ATG14: variants seen among roughly 807,000 people sequenced by gnomAD.
The protein encoded by ATG14 is beclin 1-associated autophagy-related key regulator.
Under a neutral mutation model 60.4 loss-of-function variants are expected in ATG14, and 35 were observed. The observed-to-expected ratio is 0.58, with a 90% CI of 0.44 to 0.77. ATG14 has a LOEUF of 0.77. Ranked by LOEUF, ATG14 falls within the 30% of genes least tolerant of loss-of-function variation. ATG14 has a pLI of 0.00. For synonymous variants in ATG14, 234 were observed against 228.8 expected, an observed-to-expected ratio of 1.02 and a Z score of -0.21; for missense variants, 647 against 626.3, an observed-to-expected ratio of 1.03 and a Z score of -0.35.
At chr14:55,376,727 CCCG>C (rs1186788877) in intron 9 of ATG14, among the ~76,000 whole-genome samples, 8 of 152,178 alleles carry the variant, frequency 5.3e-5, no homozygotes, top group Non-Finnish European at 1.0e-4. Flanking sequence ...AAAGAACTTT[CCCG>C]CCATTTGTCT....
Position 55,367,536 on chromosome 14 carries a change from A to T in ATG14, c.*2083T>A. On this transcript the variant is annotated 3_prime_UTR_variant, in exon 10 of 10. Coordinates refer to ENST00000247178, the MANE Select transcript of ATG14 (RefSeq NM_014924.5). ...GGCAAGCGGATCACCTGAAGTCAGG[A>T]GTTCAAGACCAGCCTGGCCAACATG... The T allele has an allele frequency of 6.6e-6, 1 of 152,246 alleles. No individual in the cohort carries two copies. Among genetic ancestry groups the T allele is most frequent in the Admixed American group, 6.5e-5 (1 of 15,282 alleles). The allele number at this position is 152,246 out of a possible 1,614,324, so 9.4% of individuals were successfully genotyped here.
rs765507965 is a variant in ATG14 at position 55,411,688 on chromosome 14, C to G, written c.135G>C (p.Leu45=). 93 of 1,613,026 alleles carry G rather than the reference C, an allele frequency of 5.8e-5. No homozygotes were observed. Among genetic ancestry groups the G allele is most frequent in the Non-Finnish European group, 7.7e-5 (91 of 1,179,808 alleles). ...TCAGCCGCCGGCGGGTAGTGTTGCA[C>G]AGCGGGCAGCGCTCCACAGCCACGT... ...GLYVAVERCP[L]CNTTRRRLTC... The change falls in exon 1 of 10, where the codon CTG becomes CTC. Residue 45 remains leucine (L), a synonymous_variant. Coordinates refer to ENST00000247178, the MANE Select transcript of ATG14 (RefSeq NM_014924.5).
chr14:55,396,328 T>C (rs1885313421), intron 2 of ATG14, among the ~76,000 whole-genome samples: 1 of 152,224 alleles, frequency 6.6e-6, no homozygotes, highest in Admixed American at 6.5e-5. Flanking sequence ...CCCAAAGAAA[T>C]GATACATGCC....
intron 3 of ATG14, among the ~76,000 whole-genome samples, chr14:55,392,300 T>C (rs1885231364): frequency 6.6e-6 from 1 of 152,130 alleles, no homozygotes; most frequent in Admixed American, 6.5e-5. Flanking sequence ...CCAGTAGGTA[T>C]ATGTGGCCTG....
intron 9 of ATG14, among the ~76,000 whole-genome samples, chr14:55,372,564 TCCC>T (rs113885288): frequency 0.025 from 3,810 of 151,306 alleles, 111 homozygotes; most frequent in African/African-American, 0.066. Context: ...TCTCCCTCCC[TCCC>T]TTCTTTCCAT....
chr14:55,393,267 C>T (rs576816811), intron 3 of ATG14, among the ~76,000 whole-genome samples: 2 of 152,076 alleles, frequency 1.3e-5, no homozygotes, highest in South Asian at 2.1e-4. Context: ...CGCCTGTAGT[C>T]CCAGCTACTC....
intron 5 of ATG14, among the ~76,000 whole-genome samples, chr14:55,383,676 G>A (rs1160618908): frequency 6.6e-6 from 1 of 152,106 alleles, no homozygotes; most frequent in Non-Finnish European, 1.5e-5. Context: ...GGTCAAGGCA[G>A]GTGGACTGCT....
rs1280032316 is a variant in ATG14 at position 55,369,092 on chromosome 14, G to A, written c.*527C>T. 6.6e-6 allele frequency: 1 copy of A among 152,484 alleles called. No individual in the cohort carries two copies. The highest frequency in any genetic ancestry group is 2.1e-4 in the South Asian group (1 of 4,828). 9.4% of individuals were successfully genotyped at this position (152,484 alleles called of 1,614,324 possible). On this transcript the variant is annotated 3_prime_UTR_variant, in exon 10 of 10. Transcript: ENST00000247178. ...CTCACCCCTCCCAAACAAAATCAAA[G>A]GACCAAATTAGAAATTTTAAATTGC...
rs1282063334 is a variant in ATG14 at position 55,367,254 on chromosome 14, C to G, written c.*2365G>C. 2.0e-5 allele frequency: 3 copies of G among 152,220 alleles called. No individual in the cohort carries two copies. Among genetic ancestry groups the G allele is most frequent in the African/African-American group, 7.2e-5 (3 of 41,450 alleles). 9.4% of individuals were successfully genotyped at this position (152,220 alleles called of 1,614,324 possible). ...CACCAAGCTCCAAATCCCACTCTTA[C>G]AACTCGTGAGACTAAGCTCTTACTT... is the stretch of plus-strand genomic sequence containing the variant. On this transcript the variant is annotated 3_prime_UTR_variant, in exon 10 of 10. Coordinates refer to ENST00000247178, the MANE Select transcript of ATG14 (RefSeq NM_014924.5).
In ATG14 at chr14:55,368,819, T is replaced by TAA. The variant is rs1884744714; in HGVS notation, c.*798_*799dup. 2 of 152,208 alleles carry TAA rather than the reference T, an allele frequency of 1.3e-5. No homozygotes were observed. The allele number at this position is 152,208 out of a possible 1,614,324, so 9.4% of individuals were successfully genotyped here. A position where few individuals can be genotyped will look rare whatever the true frequency, so the allele number is the denominator to read the frequency against. On this transcript the variant is annotated 3_prime_UTR_variant, in exon 10 of 10. Coordinates refer to ENST00000247178, the MANE Select transcript of ATG14 (RefSeq NM_014924.5). ...ATGACTTATTTTCACCCAGAAAATA[T>TAA]AAGTTCAATTTCAAAATGCTCATAG...
chr14:55,390,914 T>G lies in ATG14; in HGVS notation c.406A>C (p.Lys136Gln), dbSNP rs969998339. The G allele has an allele frequency of 1.9e-6, 3 of 1,587,130 alleles. No homozygotes were observed. Among genetic ancestry groups the G allele is most frequent in the African/African-American group, 1.3e-5 (1 of 74,538 alleles). ...AGGAAGGACACGAATTACTTACTTTTCTCCATTTCTTCATTTCCTTTACAT... is the reference window on the plus strand; with the variant it reads ...AGGAAGGACACGAATTACTTACTTTGCTCCATTTCTTCATTTCCTTTACAT... Reference protein sequence around the residue: ...TICKGNEEMEKNSEGLLKTKE... With the variant: ...TICKGNEEMEQNSEGLLKTKE... Residue 136 changes from lysine to glutamine, a missense_variant, in exon 4 of 10, where the codon AAA becomes CAA. Transcript: ENST00000247178.
intron 3 of ATG14, among the ~76,000 whole-genome samples, chr14:55,393,083 A>G (rs1885245992): frequency 1.3e-5 from 2 of 152,230 alleles, no homozygotes. Flanking sequence ...ACAAATTTTA[A>G]GTATAATGAA....
At chr14:55,372,914 A>C (rs559981020) in intron 9 of ATG14, among the ~76,000 whole-genome samples, 21 of 152,316 alleles carry the variant, frequency 1.4e-4, no homozygotes, top group African/African-American at 4.8e-4. Flanking sequence ...AAGTACAATG[A>C]AAAGCGACTG....
rs1380078000 is a variant in ATG14, at chr14:55,395,979, C to T, written c.288G>A (p.Val96=). ...KSKQEEFQKE[V]LKAMEGKWIT... is the part of the protein sequence containing the mutation. ...TCCATTTTCCTTCCATAGCTTTTAA[C>T]ACTCTGTGAGGAAAAGAGACAGAAA... is the stretch of plus-strand genomic sequence containing the variant. Residue 96 remains valine (V), a synonymous_variant, in exon 3 of 10, where the codon GTG becomes GTA. Coordinates refer to ENST00000247178, the MANE Select transcript of ATG14 (RefSeq NM_014924.5). The T allele has an allele frequency of 1.3e-6, 2 of 1,586,668 alleles. No homozygotes were observed. The highest frequency in any genetic ancestry group is 1.4e-5 in the African/African-American group (1 of 73,620).
At chr14:55,402,519 T>G (rs970247837) in intron 1 of ATG14, among the ~76,000 whole-genome samples, 1 of 152,096 alleles carries the variant, frequency 6.6e-6, no homozygotes, top group East Asian at 1.9e-4. Context: ...GAAACTAGTG[T>G]TCAATGGGAG....
chr14:55,393,915 T>C (rs952493151), intron 3 of ATG14, among the ~76,000 whole-genome samples: 2 of 152,132 alleles, frequency 1.3e-5, no homozygotes, highest in African/African-American at 2.4e-5. Flanking sequence ...TCCTAGTTTA[T>C]TATTTTTTTC....
intron 7 of ATG14, among the ~76,000 whole-genome samples, chr14:55,379,781 G>A (rs1884993876): frequency 6.6e-6 from 1 of 152,170 alleles, no homozygotes; most frequent in Admixed American, 6.5e-5. Context: ...GAGTGCAGTG[G>A]TGTGATCTCA....
chr14:55,394,485 A>G (rs79907117), intron 3 of ATG14, among the ~76,000 whole-genome samples: 8,847 of 152,276 alleles, frequency 0.058, 323 homozygotes, highest in South Asian at 0.09. Flanking sequence ...CTTTCCTTAT[A>G]AAGTCATCAA....
intron 6 of ATG14, among the ~76,000 whole-genome samples, chr14:55,381,224 C>T (rs921813183): frequency 6.6e-6 from 1 of 152,166 alleles, no homozygotes; most frequent in African/African-American, 2.4e-5. Context: ...CAGCACCCAG[C>T]AATGTGCATG....
Sources: gnomAD v4.1 joint callset for allele counts (sites outside exome capture counted in the v4.1 genomes callset) on GRCh38, gnomAD v4.1.1 for gene constraint, MANE v1.5 for transcripts, NCBI Gene and HGNC (gene_info 2026-07-23, HGNC 2026-07-21) for gene names.